The following ZFP64 variants were observed in gnomAD, a reference collection of about 807,000 sequenced individuals.
ZFP64 encodes the protein ZFP64 zinc finger protein, also known as zinc finger protein 64.
ZFP64 carries 14 observed loss-of-function variants against 51.6 expected under a neutral mutation model. The observed-to-expected ratio is 0.27, with a 90% CI of 0.18 to 0.42. ZFP64 has a LOEUF of 0.42. Among genes scored for constraint, ZFP64 ranks in the 10% least tolerant of loss-of-function variants. The pLI, the probability that ZFP64 is intolerant of heterozygous loss-of-function variation, is 1.00. For missense variants in ZFP64, 754 were observed against 906.8 expected (o/e 0.83, Z 2.16); for synonymous variants, 375 against 361.4 (o/e 1.04, Z -0.43).
intron 5 of ZFP64, among the ~76,000 whole-genome samples, chr20:52,104,073 AC>A (rs1389904011): frequency 6.6e-6 from 1 of 151,852 alleles, no homozygotes; most frequent in Non-Finnish European, 1.5e-5. Flanking sequence ...TCCAGTTACA[AC>A]TCCTTTCCTC....
At chr20:52,100,660 C>T (rs142308492) in intron 5 of ZFP64, among the ~76,000 whole-genome samples, 382 of 152,136 alleles carry the variant, frequency 2.5e-3, no homozygotes, top group Middle Eastern at 0.01. Flanking sequence ...GAAGTTTGTG[C>T]GGGTGAAGGA....
At chr20:52,084,156 C>G (rs2078839255) in exon 9 of ZFP64, 1 of 190,500 alleles carries the variant, frequency 5.2e-6, no homozygotes, top group African/African-American at 2.4e-5. Flanking sequence ...ACCTTCCTCA[C>G]TTTAACCCTT....
At chr20:52,176,709 C>G (rs1386171128) in intron 2 of ZFP64, among the ~76,000 whole-genome samples, 1 of 151,524 alleles carries the variant, frequency 6.6e-6, no homozygotes, top group Non-Finnish European at 1.5e-5. Flanking sequence ...CGGGGTTTCA[C>G]CTTGTTAGCC....
chr20:52,102,385 T>C (rs576636421), intron 5 of ZFP64, among the ~76,000 whole-genome samples: 50 of 152,264 alleles, frequency 3.3e-4, no homozygotes, highest in African/African-American at 1.1e-3. Context: ...TCCCAGTTGA[T>C]GCCGATGCTG....
At chr20:52,098,342 A>G in intron 6 of ZFP64, 3 of 1,532,960 alleles carry the variant, frequency 2.0e-6, no homozygotes, top group South Asian at 2.5e-5. Flanking sequence ...GTCAGCAAAC[A>G]AGAGTAACAT....
intron 7 of ZFP64, chr20:52,097,302 T>C: frequency 6.6e-7 from 1 of 1,524,814 alleles, no homozygotes; most frequent in Non-Finnish European, 9.0e-7. Flanking sequence ...TTCATTACTG[T>C]GTCCCTAGCG....
chr20:52,125,048 T>C (rs1278557485), intron 5 of ZFP64, among the ~76,000 whole-genome samples: 1 of 152,226 alleles, frequency 6.6e-6, no homozygotes, highest in East Asian at 1.9e-4. Flanking sequence ...TTGTTTGCAT[T>C]GTTCATGTGA....
At chr20:52,130,999 G>A (rs1204717737) in intron 5 of ZFP64, among the ~76,000 whole-genome samples, 1 of 152,094 alleles carries the variant, frequency 6.6e-6, no homozygotes, top group Non-Finnish European at 1.5e-5. Flanking sequence ...CTGGGAGGCA[G>A]AGCTTGCAGT....
chr20:52,109,780 CAAAAAAAAAAAAAA>C (rs779914417), intron 5 of ZFP64, among the ~76,000 whole-genome samples: 1 of 46,124 alleles, frequency 2.2e-5, no homozygotes, highest in Non-Finnish European at 4.5e-5. Flanking sequence ...AATTCCACCT[CAAAAAAAAAAAAAA>C]AAAAAAAAGA....
downstream of ZFP64, among the ~76,000 whole-genome samples, chr20:52,148,036 G>A: frequency 6.6e-6 from 1 of 152,156 alleles, no homozygotes; most frequent in Non-Finnish European, 1.5e-5. Flanking sequence ...AAATACTGAT[G>A]CAATTTCAAT....
chr20:52,094,757 ATAAATAAT>A (rs1418862414), intron 7 of ZFP64, among the ~76,000 whole-genome samples: 2 of 148,200 alleles, frequency 1.3e-5, no homozygotes, highest in Admixed American at 6.6e-5. Context: ...AAATAAATAA[ATAAATAAT>A]AAAAAGGAAA....
At chr20:52,164,663 G>A (rs758150527) in intron 4 of ZFP64, 32 bp downstream of exon 4, 9 of 1,592,510 alleles carry the variant, frequency 5.7e-6, no homozygotes, top group Non-Finnish European at 7.7e-6. Flanking sequence ...AGCAGGTGTT[G>A]AGGGCATATG....
At chr20:52,107,123 C>CAT (rs112201154) in intron 5 of ZFP64, among the ~76,000 whole-genome samples, 105,578 of 151,782 alleles carry the variant, frequency 0.7, 37,085 homozygotes, top group Admixed American at 0.75. Flanking sequence ...TATACACACA[C>CAT]GTTTATCATA....
At chr20:52,127,213 G>C (rs1040795073) in intron 5 of ZFP64, among the ~76,000 whole-genome samples, 1 of 152,052 alleles carries the variant, frequency 6.6e-6, no homozygotes, top group Non-Finnish European at 1.5e-5. Context: ...GCCTCCCAAA[G>C]TGCTGGGATT....
rs1262149388 is a variant in ZFP64 at position 52,186,813 on chromosome 20, C to G, written c.286+19G>C. The G allele has an allele frequency of 4.4e-6, 7 of 1,588,596 alleles. No individual in the cohort carries two copies. Among genetic ancestry groups the G allele is most frequent in the Middle Eastern group, 3.3e-4 (2 of 5,998 alleles). Reference sequence around the variant, plus strand: ...CAGCCAGGCCAATTCTGGCCGACTCCCCCATGCTCCAGCTGTACCTGTGAT... The same window carrying G: ...CAGCCAGGCCAATTCTGGCCGACTCGCCCATGCTCCAGCTGTACCTGTGAT... On this transcript the variant is annotated intron_variant, in intron 2 of 5. Coordinates refer to ENST00000216923, the MANE Select transcript of ZFP64 (RefSeq NM_018197.3).
At chr20:52,165,753 G>C (rs1220780104) in intron 3 of ZFP64, 111 bp downstream of exon 3, 1 of 1,424,108 alleles carries the variant, frequency 7.0e-7, no homozygotes, top group Non-Finnish European at 9.8e-7. Flanking sequence ...TTTTATGCCA[G>C]GTAGTTTGGA....
chr20:52,158,755 T>A (rs1270930794), intron 5 of ZFP64, among the ~76,000 whole-genome samples: 2 of 152,142 alleles, frequency 1.3e-5, no homozygotes, highest in African/African-American at 4.8e-5. Flanking sequence ...CTTCCCTGCA[T>A]CCCCGACCTT....
At chr20:52,175,214 C>G (rs1983087742) in intron 2 of ZFP64, among the ~76,000 whole-genome samples, 1 of 152,180 alleles carries the variant, frequency 6.6e-6, no homozygotes, top group Non-Finnish European at 1.5e-5. Context: ...TATCTGCCTC[C>G]CAGGTTCAAG....
chr20:52,165,050 T>A lies in ZFP64; in HGVS notation c.449-293A>T, dbSNP rs538909044. 3.7e-5 allele frequency: 20 copies of A among 542,438 alleles called. No individual in the cohort carries two copies. In the Middle Eastern group the frequency reaches 8.5e-4, roughly 23 times the overall value. The allele number at this position is 542,438 out of a possible 1,614,324, so 33.6% of individuals were successfully genotyped here. A position where few individuals can be genotyped will look rare whatever the true frequency, so the allele number is the denominator to read the frequency against. On this transcript the variant is annotated intron_variant, in intron 3 of 5. Transcript: ENST00000216923. ...ATACTTTTCAAAAATGTCAAGCTTA[T>A]GAAAGATAAATGCTTAACTGTTCTT...
Sources: gnomAD v4.1 joint callset for allele counts (sites outside exome capture counted in the v4.1 genomes callset) on GRCh38, gnomAD v4.1.1 for gene constraint, MANE v1.5 for transcripts, NCBI Gene and HGNC (gene_info 2026-07-23, HGNC 2026-07-21) for gene names.